The following FHAD1 variants were observed in gnomAD, a reference collection of about 807,000 sequenced individuals.
FHAD1 encodes the protein forkhead associated phosphopeptide binding domain 1.
A neutral mutation model predicts 191.3 loss-of-function variants in FHAD1; 146 were observed. That is an observed-to-expected ratio of 0.76 (90% confidence interval 0.67 to 0.88). The LOEUF (loss-of-function observed/expected upper bound fraction) is 0.88, where lower values mean the gene tolerates loss of function less well. FHAD1 is among the 40% of genes least tolerant of loss of function. The pLI, the probability that FHAD1 is intolerant of heterozygous loss-of-function variation, is 0.00. For synonymous variants in FHAD1, 616 were observed against 672.3 expected (o/e 0.92, Z 1.29); for missense variants, 1,635 against 1,785.8 (o/e 0.92, Z 1.52).
intron 19 of FHAD1, among the ~76,000 whole-genome samples, chr1:15,349,854 A>G (rs1229219122): frequency 1.3e-5 from 2 of 152,036 alleles, no homozygotes; most frequent in Non-Finnish European, 2.9e-5. Context: ...AATGCCACCA[A>G]CCTAGGGACC....
chr1:15,308,930 G>T (rs1170250092), intron 7 of FHAD1, among the ~76,000 whole-genome samples, 194 bp downstream of exon 7: 1 of 152,210 alleles, frequency 6.6e-6, no homozygotes, highest in Non-Finnish European at 1.5e-5. Flanking sequence ...GTGCCATCCA[G>T]TTCCTAGCAT....
chr1:15,345,154 G>A lies in FHAD1; in HGVS notation c.2202G>A (p.Met734Ile). The change falls in exon 17 of 34, where the codon ATG (methionine) becomes ATA (isoleucine). Residue 734 changes from methionine (M) to isoleucine (I), a missense_variant. By Grantham distance (10) the Met-to-Ile change is conservative. Coordinates refer to ENST00000688493, the MANE Select transcript of FHAD1 (RefSeq NM_001391957.1). ...CTTTAGAGGAAGAACGGAAGAGAAT[G>A]CAAGAACTGGAGAGCCTCCTGGCCC... The part of the protein sequence containing the change: ...KETLEEERKR[M>I]QELESLLAQQ... 2 of 1,551,778 alleles carry A rather than the reference G, an allele frequency of 1.3e-6. No homozygotes were observed. Among genetic ancestry groups the A allele is most frequent in the South Asian group, 2.4e-5 (2 of 84,046 alleles).
At position 15,301,422 on chromosome 1, in the gene FHAD1, T is replaced by C; in HGVS notation, c.896T>C (p.Ile299Thr). The C allele has an allele frequency of 6.4e-7, 1 of 1,551,562 alleles. No individual in the cohort carries two copies. Among genetic ancestry groups the C allele is most frequent in the Non-Finnish European group, 8.7e-7 (1 of 1,146,976 alleles). The part of the protein sequence containing the change: ...DEDIDAKQKE[I>T]QSLKSQISAL... Reference sequence around the variant, plus strand: ...GACATCGATGCCAAACAGAAAGAGATCCAGAGCTTGAAAAGCCAGGTAGGC... The same window carrying C: ...GACATCGATGCCAAACAGAAAGAGACCCAGAGCTTGAAAAGCCAGGTAGGC... The change falls in exon 6 of 34, where the codon ATC becomes ACC. Residue 299 changes from isoleucine (I) to threonine (T), a missense_variant. Physicochemically the swap from Ile to Thr is moderately conservative, Grantham distance 89. Transcript: ENST00000688493.
chr1:15,308,719 A>G lies in FHAD1; in HGVS notation c.1022A>G (p.Asp341Gly). Residue 341 changes from aspartate (D) to glycine (G), a missense_variant, in exon 7 of 34, where the codon GAC becomes GGC. Coordinates refer to ENST00000688493, the MANE Select transcript of FHAD1 (RefSeq NM_001391957.1). ...AATGAGGGCGAGAACTTAAAGAGAG[A>G]CAACGCTATCACATCAGGTGAGCCC... ...LKNEGENLKR[D>G]NAITSGMVSS... The G allele has an allele frequency of 6.4e-7, 1 of 1,551,740 alleles. No individual in the cohort carries two copies.
Position 15,276,526 on chromosome 1 carries a change from C to T in FHAD1, c.300+3997C>T, listed in dbSNP as rs1417560099. Reference sequence around the variant, plus strand: ...GCCAAAGTATAGCCTAGGGGCCGGGCGTGGTGACTCATGCCTGTAATCCCA... The same window carrying T: ...GCCAAAGTATAGCCTAGGGGCCGGGTGTGGTGACTCATGCCTGTAATCCCA... On this transcript the variant is annotated intron_variant, in intron 3 of 33. Coordinates refer to ENST00000688493, the MANE Select transcript of FHAD1 (RefSeq NM_001391957.1). The surrounding 1 kb of genome is among the most constrained non-coding windows in gnomAD (Gnocchi z 4.7). Among the ~76,000 whole-genome samples the T allele has an allele frequency of 6.6e-6, 1 of 152,174 alleles. No individual in the cohort carries two copies. Among genetic ancestry groups the T allele is most frequent in the East Asian group, 1.9e-4 (1 of 5,192 alleles).
At chr1:15,238,734 C>T (rs143327068) in intron 1 of FHAD1, among the ~76,000 whole-genome samples, 23 of 152,288 alleles carry the variant, frequency 1.5e-4, no homozygotes, top group African/African-American at 5.3e-4. Flanking sequence ...AGACCACGTC[C>T]AATCAAAGAG....
chr1:15,299,224 A>AAAGG (rs1558042083), intron 5 of FHAD1, among the ~76,000 whole-genome samples: 27 of 147,522 alleles, frequency 1.8e-4, no homozygotes, highest in Non-Finnish European at 3.1e-4. Flanking sequence ...AAAAGGAAAA[A>AAAGG]AAAAAAAAGA....
intron 18 of FHAD1, 88 bp from the exon 19 acceptor site, chr1:15,348,954 C>CTATTAT (rs549997171): frequency 4.6e-6 from 4 of 867,298 alleles, no homozygotes; most frequent in Admixed American, 2.6e-5. Flanking sequence ...GTTATTGTTA[C>CTATTAT]TATTATTATT....
At chr1:15,247,121 CA>C (rs1342538579), upstream of FHAD1, among the ~76,000 whole-genome samples, 1 of 152,244 alleles carries the variant, frequency 6.6e-6, no homozygotes, top group Non-Finnish European at 1.5e-5. Context: ...GAGCATTCAG[CA>C]GGCGGTAACC....
downstream of FHAD1, among the ~76,000 whole-genome samples, chr1:15,399,211 G>T (rs1330348076): frequency 6.6e-6 from 1 of 152,182 alleles, no homozygotes; most frequent in African/African-American, 2.4e-5. Flanking sequence ...CCTGGGGGAA[G>T]TAGGACAAAC....
At chr1:15,373,885 C>G (rs576940272) in intron 26 of FHAD1, among the ~76,000 whole-genome samples, 1 of 152,062 alleles carries the variant, frequency 6.6e-6, no homozygotes, top group South Asian at 2.1e-4. Flanking sequence ...AAAACACACA[C>G]GCACAAAAAA....
chr1:15,373,608 C>T (rs6657009), intron 26 of FHAD1, among the ~76,000 whole-genome samples: 17,624 of 152,036 alleles, frequency 0.12, 1,176 homozygotes, highest in Middle Eastern at 0.21. Flanking sequence ...ATCCCAGCAC[C>T]TTGGGAGGCG....
chr1:15,257,587 C>A (rs1374823541), intron 2 of FHAD1, among the ~76,000 whole-genome samples: 2 of 152,192 alleles, frequency 1.3e-5, no homozygotes, highest in Non-Finnish European at 2.9e-5. Context: ...GTCCTGCGCT[C>A]TGTGATGTGC....
chr1:15,307,695 C>T (rs1221982225), intron 6 of FHAD1, among the ~76,000 whole-genome samples: 1 of 152,060 alleles, frequency 6.6e-6, no homozygotes, highest in African/African-American at 2.4e-5. Context: ...TGAGGCCTCC[C>T]CAGCCAGTGA....
intron 31 of FHAD1, chr1:15,383,089 C>T (rs543390583): frequency 2.5e-5 from 12 of 471,716 alleles, no homozygotes; most frequent in South Asian, 7.7e-5. Context: ...CTCAAATCCC[C>T]GCACTTATTA....
At position 15,349,140 on chromosome 1, in the gene FHAD1, A is replaced by G. The variant is rs1427542367; in HGVS notation, c.2445A>G (p.Gln815=). 1 of 1,549,908 alleles carries G rather than the reference A, an allele frequency of 6.5e-7. No individual in the cohort carries two copies. The highest frequency in any genetic ancestry group is 8.7e-7 in the Non-Finnish European group (1 of 1,145,456). ...AGGATCTGGAGAACCATTTAACCCA[A>G]CAGAAGGAGGTATGAGCAGCAGCAG... The part of the protein sequence containing the change: ...KVQDLENHLT[Q]QKEISESNIA... Residue 815 remains glutamine, a synonymous_variant, in exon 19 of 34, where the codon CAA becomes CAG. Coordinates refer to ENST00000688493, the MANE Select transcript of FHAD1 (RefSeq NM_001391957.1).
intron 2 of FHAD1, among the ~76,000 whole-genome samples, chr1:15,263,480 T>G (rs1017469990): frequency 6.6e-6 from 1 of 151,586 alleles, no homozygotes; most frequent in Non-Finnish European, 1.5e-5. Flanking sequence ...AATTTTTGTT[T>G]ATGGTGTAAG....
chr1:15,288,023 C>T lies in FHAD1; in HGVS notation c.301-1376C>T, dbSNP rs1573996651. ...AGGAAGCAAACCTTTGAATTTAGCT[C>T]TTACCTGGAAAGCATTATTTCTGCC... On this transcript the variant is annotated intron_variant, in intron 3 of 33. Transcript: ENST00000688493. Among the ~76,000 whole-genome samples the T allele has an allele frequency of 2.0e-5, 3 of 152,274 alleles. No individual in the cohort carries two copies. In the Middle Eastern group the frequency reaches 0.01, roughly 521 times the overall value.
chr1:15,319,294 C>T (rs1031203988), intron 10 of FHAD1, among the ~76,000 whole-genome samples: 5 of 152,152 alleles, frequency 3.3e-5, no homozygotes, highest in African/African-American at 9.7e-5. Context: ...ATTAAAACCT[C>T]GTGAGCTGAA....
Sources: gnomAD v4.1 joint callset for allele counts (sites outside exome capture counted in the v4.1 genomes callset) on GRCh38, gnomAD v4.1.1 for gene constraint, Gnocchi (gnomAD v3.1) non-coding constraint, MANE v1.5 for transcripts, NCBI Gene and HGNC (gene_info 2026-07-23, HGNC 2026-07-21) for gene names.